Variants in SI observed in about 807,000 individuals in gnomAD.
The protein encoded by SI is sucrase-isomaltase, intestinal.
A neutral mutation model predicts 253.3 loss-of-function variants in SI; 235 were observed. The ratio of observed to expected loss-of-function variants is 0.93; its 90% CI spans 0.83 to 1.03. The LOEUF (loss-of-function observed/expected upper bound fraction) is 1.03, where lower values mean the gene tolerates loss of function less well. Among genes scored for constraint, SI ranks in the 50% least tolerant of loss-of-function variants. The pLI, the probability that SI is intolerant of heterozygous loss-of-function variation, is 0.00. For synonymous variants in SI, 819 were observed against 712.0 expected, an observed-to-expected ratio of 1.15 and a Z score of -2.39; for missense variants, 2,442 against 2,211.1, an observed-to-expected ratio of 1.10 and a Z score of -2.09.
intron 22 of SI, among the ~76,000 whole-genome samples, chr3:165,035,930 GA>G (rs1270959039): frequency 1.3e-5 from 2 of 151,466 alleles, no homozygotes; most frequent in Non-Finnish European, 3.0e-5. Flanking sequence ...AGATAATAAG[GA>G]AAATAAATTG....
At chr3:164,999,452 T>A (rs1576876658) in intron 37 of SI, among the ~76,000 whole-genome samples, 1 of 151,698 alleles carries the variant, frequency 6.6e-6, no homozygotes, top group African/African-American at 2.4e-5. Context: ...AGTTTTACTC[T>A]AATATTAGTT....
At chr3:165,017,097 T>C (rs189609561) in intron 31 of SI, among the ~76,000 whole-genome samples, 146 of 152,098 alleles carry the variant, frequency 9.6e-4, no homozygotes, top group Non-Finnish European at 1.6e-3. Context: ...TTCCTGAATA[T>C]TGAGTGAATC....
chr3:165,087,859 T>A, the SI span, among the ~76,000 whole-genome samples: 1 of 152,178 alleles, frequency 6.6e-6, no homozygotes. Context: ...ATTAGCTGAT[T>A]AAAATGTATT....
chr3:165,017,432 G>A lies in SI; in HGVS notation c.3759+116C>T, dbSNP rs1423639674. 9.4e-6 allele frequency: 9 copies of A among 958,550 alleles called. No homozygotes were observed. In the Admixed American group the frequency reaches 1.3e-4, roughly 14 times the overall value. 59.4% of individuals were successfully genotyped at this position (958,550 alleles called of 1,614,324 possible). A position where few individuals can be genotyped will look rare whatever the true frequency, so the allele number is the denominator to read the frequency against. On this transcript the variant is annotated intron_variant, in intron 31 of 47. Transcript: ENST00000264382. ...CTCATATCCAATACATAAGGTGCCAGTAAAAAAAGCTAAGCATTATTACCA... is the reference window on the plus strand; with the variant it reads ...CTCATATCCAATACATAAGGTGCCAATAAAAAAAGCTAAGCATTATTACCA...
intron 25 of SI, among the ~76,000 whole-genome samples, chr3:165,028,038 C>A (rs1576894869): frequency 6.6e-6 from 1 of 151,230 alleles, no homozygotes; most frequent in Non-Finnish European, 1.5e-5. Context: ...TTAGAAAACC[C>A]TAAAGACTCC....
rs769686878 is a variant in SI at position 165,037,926 on chromosome 3, T to C, written c.2400A>G (p.Gln800=). 6.2e-6 allele frequency: 10 copies of C among 1,610,114 alleles called. No homozygotes were observed. The highest frequency in any genetic ancestry group is 1.1e-5 in the South Asian group (1 of 90,880). ...TTGCTGTTGTTGTTACATCTGGTTCTTGAATGGGGATGATATAACCTCCTC... is the reference window on the plus strand; with the variant it reads ...TTGCTGTTGTTGTTACATCTGGTTCCTGAATGGGGATGATATAACCTCCTC... The part of the protein sequence containing the change: ...HLRGGYIIPI[Q]EPDVTTTASR... The change falls in exon 21 of 48, where the codon CAA becomes CAG. Residue 800 remains glutamine (Q), a synonymous_variant. Transcript: ENST00000264382.
chr3:165,049,369 T>TGTCCAAATTTG, intron 14 of SI, 125 bp from the exon 15 acceptor site: 1 of 687,008 alleles, frequency 1.5e-6, no homozygotes, highest in East Asian at 2.7e-5. Flanking sequence ...TTAAAAACAA[T>TGTCCAAATTTG]GACAAAGGAC....
At chr3:165,062,281 T>C in intron 9 of SI, 90 bp downstream of exon 9, 1 of 718,094 alleles carries the variant, frequency 1.4e-6, no homozygotes, top group Non-Finnish European at 2.5e-6. Flanking sequence ...AGGCCCCTAC[T>C]ATGTAAAATA....
At chr3:165,026,667 A>C (rs979595967) in intron 25 of SI, among the ~76,000 whole-genome samples, 2 of 151,434 alleles carry the variant, frequency 1.3e-5, no homozygotes, top group African/African-American at 4.8e-5. Flanking sequence ...CTCCAAAAGG[A>C]ACCTTCAAAA....
At chr3:165,083,852 T>C in the SI span, among the ~76,000 whole-genome samples, 1 of 151,986 alleles carries the variant, frequency 6.6e-6, no homozygotes, top group Non-Finnish European at 1.5e-5. Context: ...AACAAAAACC[T>C]TAAAAGGATT....
rs1280835495 is a variant in SI, at chr3:165,015,292, A to G, written c.3889-59T>C. On this transcript the variant is annotated intron_variant, in intron 32 of 47. Transcript: ENST00000264382. Reference sequence around the variant, plus strand: ...ATGAAAAAAGCGTAACTACTTGGACAGTGATTATGAAGCATAAGTTTTCAT... The same window carrying G: ...ATGAAAAAAGCGTAACTACTTGGACGGTGATTATGAAGCATAAGTTTTCAT... 6.1e-6 allele frequency: 7 copies of G among 1,143,058 alleles called. No individual in the cohort carries two copies. In the African/African-American group the frequency reaches 1.1e-4, roughly 17 times the overall value. 70.8% of individuals were successfully genotyped at this position (1,143,058 alleles called of 1,614,324 possible). A position where few individuals can be genotyped will look rare whatever the true frequency, so the allele number is the denominator to read the frequency against.
intron 9 of SI, among the ~76,000 whole-genome samples, chr3:165,061,808 T>C (rs575838805): frequency 6.6e-6 from 1 of 152,110 alleles, no homozygotes; most frequent in South Asian, 2.1e-4. Context: ...TACAAGATGT[T>C]ACTTAATATG....
At chr3:165,055,529 A>G (rs73020955) in intron 12 of SI, among the ~76,000 whole-genome samples, 2,504 of 152,074 alleles carry the variant, frequency 0.016, 76 homozygotes, top group African/African-American at 0.058. Flanking sequence ...TAGGAAGAAA[A>G]AAATTATCAG....
At position 165,065,350 on chromosome 3, in the gene SI, C is replaced by A; in HGVS notation, c.718G>T (p.Gly240Cys). ...CTCTTATGAACTTGTTCTCCAATACCATAAATATAATCACTTGGAAGACGG... is the reference window on the plus strand; with the variant it reads ...CTCTTATGAACTTGTTCTCCAATACAATAAATATAATCACTTGGAAGACGG... ...STRLPSDYIY[G>C]IGEQVHKRFR... Residue 240 changes from glycine to cysteine, a missense_variant, in exon 7 of 48, where the codon GGT becomes TGT. Gly to Cys is a radical substitution (Grantham distance 159). Transcript: ENST00000264382. 6.3e-7 allele frequency: 1 copy of A among 1,596,202 alleles called. No individual in the cohort carries two copies. The highest frequency in any genetic ancestry group is 1.1e-5 in the South Asian group (1 of 90,676).
chr3:165,041,103 T>C lies in SI; in HGVS notation c.2005-9A>G, dbSNP rs377207491. ...AATGCAGGATCCTGATGCTGTGAGA[T>C]AGAAAGAGAAATTAAAATAAGAAAG... is the stretch of plus-strand genomic sequence containing the variant. On this transcript the variant is annotated splice_polypyrimidine_tract_variant and intron_variant, in intron 17 of 47. Coordinates refer to ENST00000264382, the MANE Select transcript of SI (RefSeq NM_001041.4). 46 of 1,611,618 alleles carry C rather than the reference T, an allele frequency of 2.9e-5. No homozygotes were observed. The highest frequency in any genetic ancestry group is 1.3e-5 in the African/African-American group (1 of 74,814).
chr3:165,061,540 A>G (rs1286129934), intron 9 of SI, among the ~76,000 whole-genome samples: 2 of 152,104 alleles, frequency 1.3e-5, no homozygotes, highest in African/African-American at 4.8e-5. Flanking sequence ...AAAATTTTTT[A>G]TAGTAATCAA....
At chr3:165,075,045 G>A (rs1714861792) in intron 2 of SI, among the ~76,000 whole-genome samples, 1 of 151,952 alleles carries the variant, frequency 6.6e-6, no homozygotes, top group South Asian at 2.1e-4. Context: ...GAGAAGGTGA[G>A]AAGAAATTAG....
chr3:165,010,263 G>T (rs1026898412), intron 34 of SI, among the ~76,000 whole-genome samples: 1 of 152,046 alleles, frequency 6.6e-6, no homozygotes, highest in Non-Finnish European at 1.5e-5. Flanking sequence ...AGGCTCAAGG[G>T]ATTCTCCTGC....
chr3:164,981,566 A>G (rs1274331872), intron 47 of SI, among the ~76,000 whole-genome samples: 2 of 152,158 alleles, frequency 1.3e-5, no homozygotes, highest in Admixed American at 6.6e-5. Flanking sequence ...TTAGTAGTGC[A>G]TAAGTAGGCT....
Sources: allele counts gnomAD v4.1 joint callset (sites outside exome capture counted in the v4.1 genomes callset), GRCh38; gene constraint gnomAD v4.1.1; transcripts MANE v1.5; gene names NCBI Gene and HGNC (gene_info 2026-07-23, HGNC 2026-07-21).